GRM7: variants seen among roughly 807,000 people sequenced by gnomAD.
The protein encoded by GRM7 is glutamate metabotropic receptor 7.
GRM7 carries 35 observed loss-of-function variants against 84.5 expected under a neutral mutation model. That is an observed-to-expected ratio of 0.41 (90% CI 0.32 to 0.55). The LOEUF (loss-of-function observed/expected upper bound fraction) is 0.55, where lower values mean the gene tolerates loss of function less well. Ranked by LOEUF, GRM7 falls within the 20% of genes least tolerant of loss-of-function variation. The pLI, the probability that GRM7 is intolerant of heterozygous loss-of-function variation, is 0.19. For synonymous variants in GRM7, 487 were observed against 455.1 expected (o/e 1.07, Z -0.89); for missense variants, 1,003 against 1,194.6 (o/e 0.84, Z 2.36).
At chr3:7,243,379 T>C (rs1697633380) in intron 2 of GRM7, among the ~76,000 whole-genome samples, 1 of 152,116 alleles carries the variant, frequency 6.6e-6, no homozygotes, top group African/African-American at 2.4e-5. Flanking sequence ...TAAAATTGGT[T>C]CTTGTCTCTC....
At chr3:7,678,408 G>A (rs116009883) in intron 8 of GRM7, among the ~76,000 whole-genome samples, 1,879 of 152,136 alleles carry the variant, frequency 0.012, 44 homozygotes, top group African/African-American at 0.043. Context: ...TTTCCTTTTT[G>A]AACTAAGCCA....
In GRM7 at chr3:7,015,028, G is replaced by A. The variant is rs570793140; in HGVS notation, c.520-131424G>A. Among the ~76,000 whole-genome samples, 5 of 152,240 alleles carry A rather than the reference G, an allele frequency of 3.3e-5. No homozygotes were observed. In the South Asian group the frequency reaches 1.0e-3, roughly 32 times the overall value. On this transcript the variant is annotated intron_variant, in intron 1 of 9. Coordinates refer to ENST00000357716, the MANE Select transcript of GRM7 (RefSeq NM_000844.4). ...TGGACCAATCAGCACTCTGTAGAATGGACCGATCAGCACTCAGTAAACTGG... is the reference window on the plus strand; with the variant it reads ...TGGACCAATCAGCACTCTGTAGAATAGACCGATCAGCACTCAGTAAACTGG...
intron 8 of GRM7, among the ~76,000 whole-genome samples, chr3:7,581,443 G>C (rs951013984): frequency 3.9e-5 from 6 of 152,142 alleles, no homozygotes; most frequent in Admixed American, 2.0e-4. Context: ...TTGCCAAATG[G>C]GAACAGTAAA....
At chr3:7,409,372 G>A (rs1695816611) in intron 4 of GRM7, among the ~76,000 whole-genome samples, 1 of 150,260 alleles carries the variant, frequency 6.7e-6, no homozygotes, top group Non-Finnish European at 1.5e-5. Context: ...TTTCCTGAAA[G>A]ACAAAAGCCC....
chr3:7,307,575 C>A (rs749415288), intron 4 of GRM7, among the ~76,000 whole-genome samples: 22 of 152,170 alleles, frequency 1.4e-4, no homozygotes, highest in Non-Finnish European at 2.1e-4. Flanking sequence ...TTAGACAAAT[C>A]AGGTTGTGGT....
chr3:6,944,208 C>G (rs1397341838), intron 1 of GRM7, among the ~76,000 whole-genome samples: 1 of 152,010 alleles, frequency 6.6e-6, no homozygotes, highest in Non-Finnish European at 1.5e-5. Flanking sequence ...ATCTCTAGTA[C>G]AAGATTGAAT....
chr3:7,667,561 A>G (rs1023561671), intron 8 of GRM7, among the ~76,000 whole-genome samples: 2 of 151,788 alleles, frequency 1.3e-5, no homozygotes, highest in East Asian at 3.9e-4. Flanking sequence ...TAATTATATC[A>G]AAGTTTCATA....
chr3:7,593,810 C>T (rs75595215), intron 8 of GRM7, among the ~76,000 whole-genome samples: 2,995 of 152,096 alleles, frequency 0.02, 86 homozygotes, highest in East Asian at 0.094. Flanking sequence ...TTTAGAACGA[C>T]CACTTGGACT....
Position 7,296,583 on chromosome 3 carries a change from A to G in GRM7, c.737-2101A>G, listed in dbSNP as rs116634864. On this transcript the variant is annotated intron_variant, in intron 2 of 9. Transcript: ENST00000357716. Reference sequence around the variant, plus strand: ...TTTACATAAGACTATTCAGATTACTATGCATTCAGTTTTGGTACTTTGTAT... The same window carrying G: ...TTTACATAAGACTATTCAGATTACTGTGCATTCAGTTTTGGTACTTTGTAT... Among the ~76,000 whole-genome samples, 414 of 152,238 alleles carry G rather than the reference A, an allele frequency of 2.7e-3. 2 individuals carry two copies. Among genetic ancestry groups the G allele is most frequent in the African/African-American group, 9.5e-3 (396 of 41,556 alleles).
At chr3:6,995,571 A>T (rs1329287226) in intron 1 of GRM7, among the ~76,000 whole-genome samples, 1 of 152,214 alleles carries the variant, frequency 6.6e-6, no homozygotes, top group African/African-American at 2.4e-5. Context: ...TTTGCTATGA[A>T]AATATTTGTT....
intron 1 of GRM7, among the ~76,000 whole-genome samples, chr3:6,915,545 C>G (rs1205964734): frequency 6.6e-6 from 1 of 152,152 alleles, no homozygotes; most frequent in Non-Finnish European, 1.5e-5. Flanking sequence ...CTTACTTTAA[C>G]AAAAATCGCT....
intron 4 of GRM7, among the ~76,000 whole-genome samples, chr3:7,387,052 CA>C (rs1357576001): frequency 6.6e-6 from 1 of 152,004 alleles, no homozygotes; most frequent in Non-Finnish European, 1.5e-5. Context: ...GTTTATTGGC[CA>C]TGTTTATGTC....
At chr3:7,337,733 A>G (rs1701476340) in intron 4 of GRM7, among the ~76,000 whole-genome samples, 1 of 152,078 alleles carries the variant, frequency 6.6e-6, no homozygotes, top group Non-Finnish European at 1.5e-5. Flanking sequence ...AAAAATGACC[A>G]TAATTAAAAA....
chr3:6,946,624 G>A (rs896749760), intron 1 of GRM7, among the ~76,000 whole-genome samples: 5 of 152,092 alleles, frequency 3.3e-5, no homozygotes, highest in African/African-American at 7.2e-5. Flanking sequence ...GATGGGGATG[G>A]CATTGAATCT....
intron 1 of GRM7, among the ~76,000 whole-genome samples, chr3:7,015,032 C>T (rs182032921): frequency 1.3e-5 from 2 of 152,178 alleles, no homozygotes; most frequent in East Asian, 1.9e-4. Flanking sequence ...TAGAATGGAC[C>T]GATCAGCACT....
chr3:7,345,997 C>G (rs1216665314), intron 4 of GRM7, among the ~76,000 whole-genome samples: 1 of 152,016 alleles, frequency 6.6e-6, no homozygotes, highest in Non-Finnish European at 1.5e-5. Context: ...ATATTTCTTT[C>G]CCCCAAATAT....
intron 1 of GRM7, among the ~76,000 whole-genome samples, chr3:7,054,307 T>C (rs1023832669): frequency 1.3e-5 from 2 of 149,320 alleles, no homozygotes; most frequent in African/African-American, 4.9e-5. Context: ...TTAAAATATA[T>C]ATCTTTTATG....
At chr3:7,297,875 C>T (rs978009778) in intron 2 of GRM7, among the ~76,000 whole-genome samples, 1 of 152,154 alleles carries the variant, frequency 6.6e-6, no homozygotes, top group Non-Finnish European at 1.5e-5. Flanking sequence ...GATCCAGGAG[C>T]AGCTGCTAAG....
chr3:7,346,111 G>T (rs536825183), intron 4 of GRM7, among the ~76,000 whole-genome samples: 2 of 152,092 alleles, frequency 1.3e-5, no homozygotes, highest in South Asian at 2.1e-4. Flanking sequence ...TGTTTTATTT[G>T]AATTAGGTGA....
Sources: gnomAD v4.1 joint callset for allele counts (sites outside exome capture counted in the v4.1 genomes callset) on GRCh38, gnomAD v4.1.1 for gene constraint, MANE v1.5 for transcripts, NCBI Gene and HGNC (gene_info 2026-07-23, HGNC 2026-07-21) for gene names.